The following ATP8A2 variants were observed in gnomAD, a reference collection of about 807,000 sequenced individuals.
ATP8A2 encodes the protein ATPase phospholipid transporting 8A2.
In ATP8A2, 100 loss-of-function variants were observed where a neutral mutation model predicts 165.6. The observed-to-expected ratio is 0.60, with a 90% CI of 0.51 to 0.71. The LOEUF is 0.71. ATP8A2 is among the 30% of genes least tolerant of loss of function. ATP8A2 has a pLI of 0.00. For synonymous variants in ATP8A2, 543 were observed against 548.8 expected (o/e 0.99, Z 0.15); for missense variants, 1,227 against 1,479.5 (o/e 0.83, Z 2.80).
chr13:25,620,919 G>A (rs376908354), intron 24 of ATP8A2, among the ~76,000 whole-genome samples: 2 of 151,990 alleles, frequency 1.3e-5, no homozygotes, highest in South Asian at 2.1e-4. Context: ...GGGAAGGAGA[G>A]ACTTAAATAA....
chr13:25,764,516 G>A (rs969659364), intron 25 of ATP8A2, among the ~76,000 whole-genome samples: 5 of 152,228 alleles, frequency 3.3e-5, no homozygotes, highest in African/African-American at 4.8e-5. Context: ...CAGTGCTGGT[G>A]ACTTGAGTAT....
chr13:25,560,112 G>A (rs2039098257), intron 15 of ATP8A2, among the ~76,000 whole-genome samples: 1 of 152,180 alleles, frequency 6.6e-6, no homozygotes, highest in Admixed American at 6.5e-5. Context: ...ACAGGTGTGA[G>A]AAACCAGGCT....
At chr13:25,971,850 C>T (rs1222666321) in intron 35 of ATP8A2, among the ~76,000 whole-genome samples, 6 of 152,050 alleles carry the variant, frequency 3.9e-5, no homozygotes. Context: ...ATGCACAGGC[C>T]AGGAGCCCAT....
intron 35 of ATP8A2, among the ~76,000 whole-genome samples, chr13:25,985,114 C>G (rs1956251200): frequency 6.6e-6 from 1 of 152,200 alleles, no homozygotes; most frequent in South Asian, 2.1e-4. Context: ...ACCCTCCATC[C>G]CCAGGGCACT....
intron 27 of ATP8A2, among the ~76,000 whole-genome samples, chr13:25,818,815 G>T (rs1951089769): frequency 6.6e-6 from 1 of 152,130 alleles, no homozygotes. Flanking sequence ...TAGATCCTAG[G>T]TGTACGATAT....
chr13:25,829,668 G>GTATGTATGTATA (rs1951406164), intron 28 of ATP8A2, among the ~76,000 whole-genome samples: 9 of 63,422 alleles, frequency 1.4e-4, no homozygotes, highest in African/African-American at 5.6e-4. Context: ...GACAGGTGTG[G>GTATGTATGTATA]TATATATATA....
intron 20 of ATP8A2, among the ~76,000 whole-genome samples, chr13:25,577,730 T>C (rs1204921781): frequency 2.6e-5 from 4 of 152,204 alleles, no homozygotes; most frequent in African/African-American, 9.6e-5. Context: ...GTCTTACTTA[T>C]AGAACTAGAT....
chr13:25,728,238 A>G (rs1593256910), intron 25 of ATP8A2, among the ~76,000 whole-genome samples: 2 of 152,346 alleles, frequency 1.3e-5, no homozygotes, highest in East Asian at 3.9e-4. Flanking sequence ...CAGGTCTTGA[A>G]GTGAAACCTG....
chr13:26,018,887 T>C (rs1957038781), intron 36 of ATP8A2, among the ~76,000 whole-genome samples: 1 of 152,220 alleles, frequency 6.6e-6, no homozygotes, highest in South Asian at 2.1e-4. Flanking sequence ...TGAGCTTTAT[T>C]TTATAGCACA....
chr13:25,576,257 T>C (rs2039615652), intron 19 of ATP8A2, among the ~76,000 whole-genome samples: 1 of 152,110 alleles, frequency 6.6e-6, no homozygotes, highest in African/African-American at 2.4e-5. Context: ...TTATAGTCCA[T>C]TGGGAACCAC....
intron 26 of ATP8A2, among the ~76,000 whole-genome samples, chr13:25,772,577 T>C (rs1172074813): frequency 6.6e-6 from 1 of 152,088 alleles, no homozygotes; most frequent in East Asian, 1.9e-4. Flanking sequence ...CCTCACCTCC[T>C]GGAAGAACAT....
intron 25 of ATP8A2, among the ~76,000 whole-genome samples, chr13:25,714,224 C>T (rs948906047): frequency 6.6e-6 from 1 of 152,134 alleles, no homozygotes; most frequent in Admixed American, 6.5e-5. Context: ...TGGGATGCTG[C>T]TTCTCCCTTG....
intron 1 of ATP8A2, among the ~76,000 whole-genome samples, chr13:25,384,103 AT>A (rs1196575375): frequency 2.0e-5 from 3 of 152,172 alleles, no homozygotes; most frequent in Non-Finnish European, 4.4e-5. Flanking sequence ...TGTCTAAGGA[AT>A]TCTAGATTCA....
rs1424312265 is a variant in ATP8A2 at position 25,775,698 on chromosome 13, A to G, written c.2679+739A>G. 2.6e-5 allele frequency among the ~76,000 whole-genome samples: 4 copies of G among 152,208 alleles called. No individual in the cohort carries two copies. The South Asian group carries it at 8.3e-4, about 32-fold the overall frequency. ...AAAGGGGGTGGCTTTTGAGGCCATC[A>G]TGACTAATCGTTTCCAACTATGTTT... On this transcript the variant is annotated intron_variant, in intron 27 of 36. Transcript: ENST00000381655.
intron 1 of ATP8A2, among the ~76,000 whole-genome samples, chr13:25,386,594 A>G (rs2033054229): frequency 6.6e-6 from 1 of 152,150 alleles, no homozygotes; most frequent in Admixed American, 6.5e-5. Context: ...GAAACAATTT[A>G]TTGGTGGCGT....
intron 35 of ATP8A2, among the ~76,000 whole-genome samples, chr13:26,000,199 T>C (rs9581505): frequency 3.3e-5 from 5 of 152,182 alleles, no homozygotes; most frequent in African/African-American, 1.2e-4. Flanking sequence ...CTTGAGGGCC[T>C]GTCACATCTG....
At chr13:25,927,986 A>G (rs1954660027) in intron 33 of ATP8A2, among the ~76,000 whole-genome samples, 1 of 152,252 alleles carries the variant, frequency 6.6e-6, no homozygotes, top group Non-Finnish European at 1.5e-5. Flanking sequence ...TTTTGGCTTC[A>G]ATTCAGTGCT....
intron 33 of ATP8A2, among the ~76,000 whole-genome samples, chr13:25,916,349 G>C (rs1020864554): frequency 6.6e-6 from 1 of 152,118 alleles, no homozygotes; most frequent in Admixed American, 6.5e-5. Context: ...CTGTGTCGAC[G>C]GTACCAGCCT....
At chr13:25,703,844 T>G (rs55901961) in intron 25 of ATP8A2, among the ~76,000 whole-genome samples, 219 of 152,298 alleles carry the variant, frequency 1.4e-3, no homozygotes, top group Non-Finnish European at 2.6e-3. Context: ...GATGATGAAG[T>G]GTTTTTGAAC....
Sources: gnomAD v4.1 joint callset for allele counts (sites outside exome capture counted in the v4.1 genomes callset) on GRCh38, gnomAD v4.1.1 for gene constraint, MANE v1.5 for transcripts, NCBI Gene and HGNC (gene_info 2026-07-23, HGNC 2026-07-21) for gene names.